The following RBFOX1 variants were observed in gnomAD, a reference collection of about 807,000 sequenced individuals.
The protein encoded by RBFOX1 is RNA binding protein fox-1 homolog 1.
In RBFOX1, 8 loss-of-function variants were observed where a neutral mutation model predicts 57.7. The observed-to-expected ratio is 0.14, with a 90% confidence interval of 0.08 to 0.25. The LOEUF (loss-of-function observed/expected upper bound fraction) is 0.25. Among genes scored for constraint, RBFOX1 ranks in the 10% least tolerant of loss-of-function variants. RBFOX1 has a pLI of 1.00. For synonymous variants in RBFOX1, 326 were observed against 222.4 expected (o/e 1.47, Z -4.15); for missense variants, 611 against 548.5 (o/e 1.11, Z -1.14).
chr16:7,683,152 G>T (rs982216959), intron 14 of RBFOX1, among the ~76,000 whole-genome samples: 1 of 146,990 alleles, frequency 6.8e-6, no homozygotes, highest in Admixed American at 6.9e-5. Context: ...TATGGAGATG[G>T]CTCTGAAATA....
intron 3 of RBFOX1, among the ~76,000 whole-genome samples, chr16:6,976,458 AG>A (rs2086875886): frequency 6.6e-6 from 1 of 152,102 alleles, no homozygotes; most frequent in African/African-American, 2.4e-5. Flanking sequence ...GTTCCAGGAA[AG>A]GGGTCCTGAT....
At chr16:5,463,741 A>C (rs2068866545) in intron 1 of RBFOX1, among the ~76,000 whole-genome samples, 3 of 151,424 alleles carry the variant, frequency 2.0e-5, no homozygotes, top group Non-Finnish European at 4.4e-5. Flanking sequence ...TGGAGGTTGC[A>C]GTAAGTCAAG....
At chr16:6,657,776 A>G (rs2098670479) in intron 3 of RBFOX1, among the ~76,000 whole-genome samples, 1 of 152,084 alleles carries the variant, frequency 6.6e-6, no homozygotes, top group Non-Finnish European at 1.5e-5. Context: ...GATTTTTACG[A>G]CTGTTGAGAG....
At chr16:7,072,069 T>C (rs1190792241) in intron 4 of RBFOX1, among the ~76,000 whole-genome samples, 9 of 152,324 alleles carry the variant, frequency 5.9e-5, no homozygotes, top group African/African-American at 2.2e-4. Context: ...CATTCCAACT[T>C]TCTGACCCGT....
chr16:7,195,776 C>G (rs2086551560), intron 4 of RBFOX1, among the ~76,000 whole-genome samples: 1 of 152,324 alleles, frequency 6.6e-6, no homozygotes, highest in East Asian at 1.9e-4. Context: ...TGGTGTTCAA[C>G]TCCTGACCTC....
At chr16:7,186,117 T>C (rs1567616569) in intron 4 of RBFOX1, among the ~76,000 whole-genome samples, 2 of 151,944 alleles carry the variant, frequency 1.3e-5, no homozygotes, top group Non-Finnish European at 2.9e-5. Context: ...CACAGATATG[T>C]ACAACCATTG....
intron 1 of RBFOX1, among the ~76,000 whole-genome samples, chr16:5,269,805 G>C (rs886533249): frequency 2.0e-5 from 3 of 152,132 alleles, no homozygotes; most frequent in African/African-American, 7.2e-5. Context: ...AAATGTAAAA[G>C]ATGCAAAGAA....
chr16:6,801,311 A>G (rs2085384559), intron 3 of RBFOX1, among the ~76,000 whole-genome samples: 1 of 152,150 alleles, frequency 6.6e-6, no homozygotes, highest in South Asian at 2.1e-4. Flanking sequence ...TGGGATCTAC[A>G]GTTGAGAGAG....
chr16:7,429,525 A>G (rs1016995440), intron 4 of RBFOX1, among the ~76,000 whole-genome samples: 3 of 152,248 alleles, frequency 2.0e-5, no homozygotes, highest in African/African-American at 4.8e-5. Flanking sequence ...TTTAGTTTAC[A>G]GTAAGCTTCA....
intron 3 of RBFOX1, among the ~76,000 whole-genome samples, chr16:6,770,719 A>G (rs2078147546): frequency 6.6e-6 from 1 of 152,182 alleles, no homozygotes; most frequent in Non-Finnish European, 1.5e-5. Flanking sequence ...GATGAGAGGA[A>G]GTGGCATAGG....
intron 3 of RBFOX1, among the ~76,000 whole-genome samples, chr16:5,605,249 G>T (rs953922450): frequency 2.0e-5 from 3 of 152,168 alleles, no homozygotes; most frequent in Non-Finnish European, 2.9e-5. Flanking sequence ...ACTCTCCAAG[G>T]ACTTTGGCTT....
intron 4 of RBFOX1, among the ~76,000 whole-genome samples, chr16:5,877,379 C>T (rs2057640747): frequency 6.6e-6 from 1 of 152,198 alleles, no homozygotes; most frequent in Non-Finnish European, 1.5e-5. Context: ...GATGGATGAA[C>T]AGACGCTTTT....
At chr16:6,952,530 T>C (rs1226062723) in intron 3 of RBFOX1, among the ~76,000 whole-genome samples, 1 of 151,862 alleles carries the variant, frequency 6.6e-6, no homozygotes, top group Non-Finnish European at 1.5e-5. Context: ...CCCACCTACC[T>C]GGGAGGCTGA....
chr16:6,875,690 C>T (rs774509110), intron 3 of RBFOX1, among the ~76,000 whole-genome samples: 9 of 152,158 alleles, frequency 5.9e-5, no homozygotes, highest in African/African-American at 2.2e-4. Flanking sequence ...CATAAGCTCC[C>T]CTTCTCTGGT....
chr16:6,982,741 C>T (rs558002416), intron 3 of RBFOX1, among the ~76,000 whole-genome samples: 1 of 151,972 alleles, frequency 6.6e-6, no homozygotes, highest in African/African-American at 2.4e-5. Flanking sequence ...GCCTGTAATC[C>T]CAACACTTTG....
At chr16:5,907,564 T>C (rs2058490794) in intron 4 of RBFOX1, among the ~76,000 whole-genome samples, 2 of 152,196 alleles carry the variant, frequency 1.3e-5, no homozygotes, top group Non-Finnish European at 2.9e-5. Context: ...TTATATTTAC[T>C]GAGTACCACA....
intron 4 of RBFOX1, among the ~76,000 whole-genome samples, chr16:7,100,058 G>A (rs1011743956): frequency 1.1e-4 from 16 of 151,662 alleles, no homozygotes; most frequent in Non-Finnish European, 2.2e-4. Context: ...TCACATGATG[G>A]GGGGTGAGGG....
chr16:6,791,553 G>A (rs2082945974), intron 3 of RBFOX1, among the ~76,000 whole-genome samples: 1 of 152,152 alleles, frequency 6.6e-6, no homozygotes, highest in South Asian at 2.1e-4. Flanking sequence ...GAGGTCAGGA[G>A]TTCGAAACCA....
At chr16:5,681,357 T>C (rs1567389447) in intron 3 of RBFOX1, among the ~76,000 whole-genome samples, 2 of 151,274 alleles carry the variant, frequency 1.3e-5, no homozygotes, top group Non-Finnish European at 2.9e-5. Context: ...GTGTTGGGAT[T>C]ACAGGCATGA....
Sources: gnomAD v4.1 joint callset for allele counts (sites outside exome capture counted in the v4.1 genomes callset) on GRCh38, gnomAD v4.1.1 for gene constraint, MANE v1.5 for transcripts, NCBI Gene and HGNC (gene_info 2026-07-23, HGNC 2026-07-21) for gene names.